NFRKB: variants seen among roughly 807,000 people sequenced by gnomAD.
NFRKB encodes the protein nuclear factor related to kappaB binding protein.
Under a neutral mutation model 135.7 loss-of-function variants are expected in NFRKB, and 62 were observed. The ratio of observed to expected loss-of-function variants is 0.46; its 90% CI spans 0.37 to 0.56. The LOEUF (loss-of-function observed/expected upper bound fraction) is 0.56. Ranked by LOEUF, NFRKB falls within the 20% of genes least tolerant of loss-of-function variation. The pLI is 0.00. For missense variants in NFRKB, 1,545 were observed against 1,662.0 expected, an observed-to-expected ratio of 0.93 and a Z score of 1.22; for synonymous variants, 678 against 635.6, an observed-to-expected ratio of 1.07 and a Z score of -1.00.
At position 129,876,832 on chromosome 11, in the gene NFRKB, C is replaced by G; in HGVS notation, c.1636G>C (p.Val546Leu). The change falls in exon 17 of 27, where the codon GTG becomes CTG. Residue 546 changes from valine to leucine, a missense_variant. Around this residue, in one of 3 missense-constraint regions of NFRKB, gnomAD observed 114 missense variants for 211.0 expected, o/e 0.54. Coordinates refer to ENST00000682444, the MANE Select transcript of NFRKB (RefSeq NM_001143835.2). ...FTFRMHGFES[V>L]VGPVKGVFDK... The stretch of plus-strand genomic sequence containing the variant: ...AACACGCCCTTCACTGGCCCCACCA[C>G]AGACTCAAAGCCGTGCATGCGAAAG... 1 of 1,614,192 alleles carries G rather than the reference C, an allele frequency of 6.2e-7. No individual in the cohort carries two copies. Among genetic ancestry groups the G allele is most frequent in the Non-Finnish European group, 8.5e-7 (1 of 1,180,030 alleles).
Position 129,880,602 on chromosome 11 carries a change from C to A in NFRKB, c.1384+841G>T, listed in dbSNP as rs111926276. Among the ~76,000 whole-genome samples, 1,340 of 152,290 alleles carry A rather than the reference C, an allele frequency of 8.8e-3. 15 individuals are homozygous for A. Among genetic ancestry groups the A allele is most frequent in the Non-Finnish European group, 0.014 (920 of 68,030 alleles). ...CCTCAGGAAGGTCCTCCAAACTCTG[C>A]AAACTACATCAATTCCTATTATCAT... On this transcript the variant is annotated intron_variant, in intron 13 of 26. Coordinates refer to ENST00000682444, the MANE Select transcript of NFRKB (RefSeq NM_001143835.2).
At chr11:129,881,622 T>A (rs1949031537) in intron 12 of NFRKB, 105 bp downstream of exon 12, 2 of 1,580,680 alleles carry the variant, frequency 1.3e-6, no homozygotes, top group Admixed American at 1.8e-5. Context: ...GGCATAGCAT[T>A]ATGCAAAGGC....
In NFRKB at chr11:129,870,229, G is replaced by A. The variant is rs1948436123; in HGVS notation, c.2796C>T (p.Pro932=). 1.2e-6 allele frequency: 2 copies of A among 1,614,066 alleles called. No individual in the cohort carries two copies. Among genetic ancestry groups the A allele is most frequent in the Non-Finnish European group, 1.7e-6 (2 of 1,179,948 alleles). The stretch of plus-strand genomic sequence containing the variant: ...TGAGTGGAATGCTGTTGCCTGTTTG[G>A]GGCTTCACACCAAGCTGCCCAGTGA... ...VAITGQLGVK[P]QTGNSIPLTA... is the part of the protein sequence containing the mutation. Residue 932 remains proline, a synonymous_variant, in exon 24 of 27, where the codon CCC becomes CCT. Coordinates refer to ENST00000682444, the MANE Select transcript of NFRKB (RefSeq NM_001143835.2).
At chr11:129,893,387 T>TAAAAA (rs1319139473) in intron 2 of NFRKB, 7 of 5,396 alleles carry the variant, frequency 1.3e-3, no homozygotes, top group South Asian at 4.2e-3. Context: ...ACCCCTTCTC[T>TAAAAA]ACAAAAAAAA....
chr11:129,875,077 A>G (rs928135355), intron 18 of NFRKB, among the ~76,000 whole-genome samples, 161 bp from the exon 19 acceptor site: 1 of 152,206 alleles, frequency 6.6e-6, no homozygotes, highest in Non-Finnish European at 1.5e-5. Flanking sequence ...TCGTTTGACG[A>G]GACAATAAAT....
chr11:129,887,000 T>C (rs902984482), intron 4 of NFRKB, among the ~76,000 whole-genome samples: 1 of 152,184 alleles, frequency 6.6e-6, no homozygotes, highest in Admixed American at 6.5e-5. Flanking sequence ...CTTAATATAA[T>C]GCGATTTCAG....
intron 17 of NFRKB, among the ~76,000 whole-genome samples, 185 bp from the exon 18 acceptor site, chr11:129,875,648 A>ACTT (rs1304581118): frequency 8.7e-6 from 1 of 114,876 alleles, no homozygotes; most frequent in Non-Finnish European, 1.8e-5. Context: ...TTCCCTATAC[A>ACTT]CTTCTTTTTT....
chr11:129,875,690 CTT>C lies in NFRKB; in HGVS notation c.1748-229_1748-228del, dbSNP rs1040188892. On this transcript the variant is annotated intron_variant, in intron 17 of 26. Transcript: ENST00000682444. ...TTTTTTTTTTTGAGACAGTTTCGCT[CTT>C]GTCACCCAGGTTGAGGTGCAAGGGC... Among the ~76,000 whole-genome samples the C allele has an allele frequency of 3.8e-5, 5 of 130,382 alleles. No individual in the cohort carries two copies. In the East Asian group the frequency reaches 6.8e-4, roughly 18 times the overall value. 85.5% of individuals were successfully genotyped at this position (130,382 alleles called of 152,430 possible).
rs781561148 is a variant in NFRKB at position 129,874,292 on chromosome 11, ACTG to A, written c.2097_2099del (p.Ser700del). The A allele has an allele frequency of 2.5e-5, 38 of 1,516,246 alleles. No individual in the cohort carries two copies. In the African/African-American group the frequency reaches 5.2e-4, roughly 21 times the overall value. 93.9% of individuals were successfully genotyped at this position (1,516,246 alleles called of 1,614,324 possible). A position where few individuals can be genotyped will look rare whatever the true frequency, so the allele number is the denominator to read the frequency against. On this transcript the variant is annotated inframe_deletion, in exon 21 of 27. Coordinates refer to ENST00000682444, the MANE Select transcript of NFRKB (RefSeq NM_001143835.2). This position sits in a 1 kb window ranked among gnomAD's most constrained non-coding sequence, Gnocchi z 4.5. ...TCATCTGGCTCTGCTCAGAAGGGCC[ACTG>A]CTAAGGACCTTTATGGAGCTCTCCT... is the stretch of plus-strand genomic sequence containing the variant.
intron 16 of NFRKB, 92 bp downstream of exon 16, chr11:129,877,233 T>C: frequency 1.5e-6 from 2 of 1,299,178 alleles, no homozygotes; most frequent in South Asian, 2.4e-5. Context: ...ATGAGTTTCT[T>C]GCAAGAAGGT....
Position 129,870,074 on chromosome 11 carries a change from T to C in NFRKB, c.2951A>G (p.Gln984Arg). 1 of 1,614,272 alleles carries C rather than the reference T, an allele frequency of 6.2e-7. No homozygotes were observed. Among genetic ancestry groups the C allele is most frequent in the Non-Finnish European group, 8.5e-7 (1 of 1,180,048 alleles). ...CTGGGTCAATTTGACTGTGGTAACCTGGGACTTGGCCAATGTGGCCATCAT... is the reference window on the plus strand; with the variant it reads ...CTGGGTCAATTTGACTGTGGTAACCCGGGACTTGGCCAATGTGGCCATCAT... ...PDMMATLAKS[Q>R]VTTVKLTQDL... The change falls in exon 24 of 27, where the codon CAG becomes CGG. Residue 984 changes from glutamine to arginine, a missense_variant. By Grantham distance (43) the Gln-to-Arg change is conservative. This residue lies in a region of NFRKB where 753 missense variants were observed against 804.3 expected (regional missense o/e 0.94). Coordinates refer to ENST00000682444, the MANE Select transcript of NFRKB (RefSeq NM_001143835.2).
At chr11:129,880,737 C>T (rs546548313) in intron 13 of NFRKB, among the ~76,000 whole-genome samples, 2 of 152,174 alleles carry the variant, frequency 1.3e-5, no homozygotes, top group Non-Finnish European at 2.9e-5. Context: ...GAGAGGAGCA[C>T]ACTGTCTCAG....
intron 24 of NFRKB, among the ~76,000 whole-genome samples, chr11:129,867,684 A>G (rs1948268576): frequency 6.6e-6 from 1 of 152,178 alleles, no homozygotes; most frequent in Non-Finnish European, 1.5e-5. Flanking sequence ...ACTTATGTTT[A>G]TATCCTTCTT....
rs776969284 is a variant in NFRKB at position 129,888,564 on chromosome 11, C to G, written c.337+30G>C. ...GTGAACGTGTGCCCATCCACCACCC[C>G]CCTCAAAGAAAGAATACTGAGCTAC... On this transcript the variant is annotated intron_variant, in intron 4 of 26. Transcript: ENST00000682444. 2.5e-6 allele frequency: 4 copies of G among 1,601,794 alleles called. No individual in the cohort carries two copies. In the East Asian group the frequency reaches 8.9e-5, roughly 36 times the overall value.
chr11:129,880,822 A>C (rs1035596711), intron 13 of NFRKB, among the ~76,000 whole-genome samples: 1 of 152,194 alleles, frequency 6.6e-6, no homozygotes, highest in Non-Finnish European at 1.5e-5. Flanking sequence ...TAACGAATGA[A>C]TGAGTCTACC....
intron 22 of NFRKB, 64 bp downstream of exon 22, chr11:129,873,681 G>A (rs1232785890): frequency 6.3e-7 from 1 of 1,576,982 alleles, no homozygotes; most frequent in African/African-American, 1.3e-5. Context: ...CTGCCCATCT[G>A]ACTCATCAGC....
At chr11:129,875,231 G>T in intron 18 of NFRKB, 126 bp downstream of exon 18, 3 of 848,936 alleles carry the variant, frequency 3.5e-6, no homozygotes, top group Admixed American at 2.7e-5. Flanking sequence ...TGATCACTAT[G>T]CATTTTTCAA....
chr11:129,873,162 G>A (rs1948598810), intron 22 of NFRKB, 66 bp from the exon 23 acceptor site: 7 of 1,398,532 alleles, frequency 5.0e-6, no homozygotes, highest in Non-Finnish European at 6.7e-6. Context: ...CTCTAAGCAA[G>A]AGTCTCCCTC....
intron 3 of NFRKB, among the ~76,000 whole-genome samples, chr11:129,892,353 ATCCAGT>A (rs139371743): frequency 0.33 from 50,735 of 151,586 alleles, 9,667 homozygotes; most frequent in East Asian, 0.46. Context: ...CTCCAATTCC[ATCCAGT>A]TTGCTGCAAA....
Sources: allele counts gnomAD v4.1 joint callset (sites outside exome capture counted in the v4.1 genomes callset), GRCh38; gene constraint gnomAD v4.1.1; regional missense constraint gnomAD v4.1.1; non-coding constraint Gnocchi (gnomAD v3.1); transcripts MANE v1.5; gene names NCBI Gene and HGNC (gene_info 2026-07-23, HGNC 2026-07-21).